WNK3: variants seen among roughly 807,000 people sequenced by gnomAD.
WNK3 encodes the protein WNK lysine deficient protein kinase 3, also known as serine/threonine-protein kinase WNK3.
In WNK3, 18 loss-of-function variants were observed where a neutral mutation model predicts 116.7. That is an observed-to-expected ratio of 0.15 (90% CI 0.11 to 0.23). The LOEUF (loss-of-function observed/expected upper bound fraction) is 0.23, where lower values mean the gene tolerates loss of function less well. Ranked by LOEUF, WNK3 falls within the 10% of genes least tolerant of loss-of-function variation. The pLI, the probability that WNK3 is intolerant of heterozygous loss-of-function variation, is 1.00. For synonymous variants in WNK3, 404 were observed against 469.4 expected (o/e 0.86, Z 1.80); for missense variants, 993 against 1,323.8 (o/e 0.75, Z 3.88).
chrX:54,278,408 C>G (rs2068475368), intron 10 of WNK3, among the ~76,000 whole-genome samples: 1 of 106,598 alleles, frequency 9.4e-6, no homozygotes, highest in Non-Finnish European at 1.9e-5. Context: ...AAACAGAAAT[C>G]CAGAAGAGCT....
exon 9 of WNK3, chrX:54,293,202 C>T (rs143891385): frequency 8.3e-7 from 1 of 1,208,896 alleles, no homozygotes; most frequent in Non-Finnish European, 1.1e-6. Context: ...ACATTTACTT[C>T]AGCCTGCGGG....
chrX:54,268,791 C>CATAA (rs1229466779), intron 10 of WNK3, among the ~76,000 whole-genome samples: 10 of 110,290 alleles, frequency 9.1e-5, no homozygotes, highest in African/African-American at 1.3e-4. Context: ...TTCATACTAA[C>CATAA]ATAAATAAAT....
chrX:54,329,341 G>GA (rs2069140664), intron 2 of WNK3, among the ~76,000 whole-genome samples: 1 of 111,817 alleles, frequency 8.9e-6, no homozygotes. Flanking sequence ...GTGAATGATA[G>GA]AAGTCAGTAT....
intron 1 of WNK3, among the ~76,000 whole-genome samples, chrX:54,347,741 C>G (rs1397177506): frequency 9.4e-6 from 1 of 106,008 alleles, no homozygotes; most frequent in Admixed American, 1.1e-4. Flanking sequence ...AATGTATGTA[C>G]TATATTATAT....
At chrX:54,307,829 T>C in intron 5 of WNK3, 93 bp downstream of exon 5, 2 of 867,837 alleles carry the variant, frequency 2.3e-6, no homozygotes, top group Non-Finnish European at 3.2e-6. Context: ...TACCTAGAGC[T>C]AAACCAAAAT....
At chrX:54,294,966 C>T (rs2068681639) in intron 7 of WNK3, 119 bp from the exon 8 acceptor site, 8 of 541,912 alleles carry the variant, frequency 1.5e-5, no homozygotes, top group East Asian at 3.9e-5. Context: ...GGCATGATCT[C>T]GGCTCACTGC....
At chrX:54,308,314 C>T (rs1374066357) in intron 4 of WNK3, among the ~76,000 whole-genome samples, 1 of 110,375 alleles carries the variant, frequency 9.1e-6, no homozygotes, top group Non-Finnish European at 1.9e-5. Context: ...GCCTCAGCCT[C>T]CCGGGTAGCT....
chrX:54,322,022 C>T (rs1054631505), intron 2 of WNK3, among the ~76,000 whole-genome samples: 9 of 108,767 alleles, frequency 8.3e-5, no homozygotes, highest in Non-Finnish European at 1.5e-4. Flanking sequence ...AAAGTGCTCA[C>T]AAGTGGTAGT....
intron 3 of WNK3, 27 bp downstream of exon 3, chrX:54,311,092 A>G: frequency 9.5e-7 from 1 of 1,050,775 alleles, no homozygotes. Context: ...AAATAAAACT[A>G]CATTGGCACT....
chrX:54,301,604 G>A (rs1347412683), intron 6 of WNK3, among the ~76,000 whole-genome samples, 167 bp downstream of exon 6: 1 of 111,269 alleles, frequency 9.0e-6, no homozygotes, highest in Non-Finnish European at 1.9e-5. Flanking sequence ...TGATATCCAA[G>A]TCTAAAATGG....
chrX:54,292,964 A>G, exon 10 of WNK3: 2 of 1,210,968 alleles, frequency 1.7e-6, no homozygotes, highest in South Asian at 1.8e-5. Context: ...AAGGACATGT[A>G]CAGGTAAAAC....
intron 1 of WNK3, among the ~76,000 whole-genome samples, chrX:54,352,248 TTAAAAAACAAG>T (rs782309578): frequency 6.3e-5 from 7 of 111,827 alleles, no homozygotes; most frequent in African/African-American, 2.3e-4. Context: ...AAATAATTTT[TTAAAAAACAAG>T]TAAAAAACAG....
chrX:54,298,374 A>G, exon 7 of WNK3: 2 of 1,206,505 alleles, frequency 1.7e-6, no homozygotes, highest in Non-Finnish European at 2.2e-6. Context: ...TGCATGGTTT[A>G]ATAGGTCCCT....
At chrX:54,254,420 T>G (rs1557155043) in intron 12 of WNK3, among the ~76,000 whole-genome samples, 1 of 112,354 alleles carries the variant, frequency 8.9e-6, no homozygotes, top group Non-Finnish European at 1.9e-5. Context: ...ATCTATAAAT[T>G]GACTCTAAGC....
At chrX:54,319,734 G>A (rs529296795) in intron 2 of WNK3, among the ~76,000 whole-genome samples, 211 of 112,464 alleles carry the variant, frequency 1.9e-3, no homozygotes, top group African/African-American at 6.3e-3. Context: ...CCAAAATCCA[G>A]AGGAAAATAC....
intron 10 of WNK3, among the ~76,000 whole-genome samples, chrX:54,261,340 C>A (rs2068253993): frequency 9.0e-6 from 1 of 111,033 alleles, no homozygotes; most frequent in Non-Finnish European, 1.9e-5. Context: ...GGAGGGCTGA[C>A]TTCATGTGTG....
rs143090802 is a variant in WNK3, at chrX:54,231,076, C to T, written c.4840+1733G>A. ...AAAGTGAAAGAATGCTTTGGGATCA[C>T]GAGTAACCAGTGTTATCTAACAGTT... is the stretch of plus-strand genomic sequence containing the variant. On this transcript the variant is annotated intron_variant, in intron 21 of 23. Transcript: ENST00000354646. 2.9e-3 allele frequency among the ~76,000 whole-genome samples: 322 copies of T among 112,334 alleles called. 3 individuals are homozygous for T. Among genetic ancestry groups the T allele is most frequent in the African/African-American group, 9.5e-3 (294 of 31,008 alleles).
At chrX:54,224,984 G>A (rs2067817692) in intron 22 of WNK3, among the ~76,000 whole-genome samples, 1 of 110,396 alleles carries the variant, frequency 9.1e-6, no homozygotes. Flanking sequence ...AGACATATAT[G>A]GAACGCTCCA....
chrX:54,260,429 C>T (rs1557156468), intron 10 of WNK3, among the ~76,000 whole-genome samples: 3 of 111,715 alleles, frequency 2.7e-5, no homozygotes, highest in African/African-American at 9.7e-5. Flanking sequence ...TGCATAAATC[C>T]AGAGACAAGT....
Sources: allele counts gnomAD v4.1 joint callset (sites outside exome capture counted in the v4.1 genomes callset), GRCh38; gene constraint gnomAD v4.1.1; transcripts MANE v1.5; gene names NCBI Gene and HGNC (gene_info 2026-07-23, HGNC 2026-07-21).